The following FANCI variants were observed in gnomAD, a reference collection of about 807,000 sequenced individuals.
The protein encoded by FANCI is Fanconi anemia group I protein.
FANCI carries 156 observed loss-of-function variants against 176.1 expected under a neutral mutation model. The observed-to-expected ratio is 0.89, with a 90% CI of 0.78 to 1.01. The LOEUF (loss-of-function observed/expected upper bound fraction) is 1.01, where lower values mean the gene tolerates loss of function less well. Ranked by LOEUF, FANCI falls within the 50% of genes least tolerant of loss-of-function variation. The probability of loss-of-function intolerance (pLI) is 0.00; values close to 1 mark genes in which losing one functional copy is unlikely to be tolerated. For missense variants in FANCI, 1,678 were observed against 1,534.1 expected, an observed-to-expected ratio of 1.09 and a Z score of -1.57; for synonymous variants, 613 against 541.7, an observed-to-expected ratio of 1.13 and a Z score of -1.83.
chr15:89,275,458 T>G (rs2053375090), intron 12 of FANCI, among the ~76,000 whole-genome samples: 1 of 152,202 alleles, frequency 6.6e-6, no homozygotes, highest in South Asian at 2.1e-4. Context: ...GTATTAAATA[T>G]ATTTTAAAGT....
In FANCI at chr15:89,306,038, T is replaced by C; in HGVS notation, c.3381T>C (p.Asn1127=). Residue 1127 remains asparagine (N), a synonymous_variant, in exon 32 of 38, where the codon AAT becomes AAC. Coordinates refer to ENST00000310775, the MANE Select transcript of FANCI (RefSeq NM_001113378.2). ...EEASSQATLP[N]QPVEKAIIMQ... Reference sequence around the variant, plus strand: ...CCTCTTCTCAGGCAACCCTACCAAATCAGCCTGTTGAGAAAGCTATCATCA... The same window carrying C: ...CCTCTTCTCAGGCAACCCTACCAAACCAGCCTGTTGAGAAAGCTATCATCA... The C allele has an allele frequency of 6.2e-7, 1 of 1,614,198 alleles. No individual in the cohort carries two copies.
At chr15:89,302,568 TAAA>T (rs895809373) in intron 27 of FANCI, among the ~76,000 whole-genome samples, 2 of 151,588 alleles carry the variant, frequency 1.3e-5, no homozygotes, top group Admixed American at 1.3e-4. Flanking sequence ...GTAGTCTCTT[TAAA>T]AAAAAATTTT....
At chr15:89,278,490 A>G (rs1433045177) in intron 13 of FANCI, among the ~76,000 whole-genome samples, 197 bp from the exon 14 acceptor site, 1 of 152,220 alleles carries the variant, frequency 6.6e-6, no homozygotes, top group Non-Finnish European at 1.5e-5. Flanking sequence ...CATGGTATTT[A>G]TCCTACTAAT....
intron 2 of FANCI, among the ~76,000 whole-genome samples, chr15:89,255,898 G>A (rs893951711): frequency 6.6e-6 from 1 of 152,202 alleles, no homozygotes; most frequent in African/African-American, 2.4e-5. Context: ...ATTAACATTC[G>A]TTGAGTACTT....
chr15:89,283,883 C>G (rs1339107080), intron 17 of FANCI, among the ~76,000 whole-genome samples: 1 of 151,924 alleles, frequency 6.6e-6, no homozygotes, highest in Non-Finnish European at 1.5e-5. Context: ...CTGCCTCAGC[C>G]TCCCGAGTAG....
At chr15:89,284,792 T>C (rs2053752716) in intron 17 of FANCI, among the ~76,000 whole-genome samples, 1 of 152,244 alleles carries the variant, frequency 6.6e-6, no homozygotes, top group East Asian at 1.9e-4. Flanking sequence ...ATGTATATTG[T>C]TACTACTGGA....
intron 28 of FANCI, 47 bp from the exon 29 acceptor site, chr15:89,305,068 A>T (rs755871546): frequency 6.2e-7 from 1 of 1,609,062 alleles, no homozygotes; most frequent in Non-Finnish European, 8.5e-7. Flanking sequence ...GAGCCACTGC[A>T]CTTGGCCACA....
intron 6 of FANCI, 103 bp downstream of exon 6, chr15:89,261,981 TTTG>T (rs947592713): frequency 2.0e-6 from 2 of 999,218 alleles, no homozygotes; most frequent in South Asian, 1.4e-5. Flanking sequence ...GTCCTTCTTT[TTTG>T]TTGTTTTTAA....
intron 2 of FANCI, among the ~76,000 whole-genome samples, chr15:89,251,929 T>A (rs992642358): frequency 2.6e-5 from 4 of 152,210 alleles, no homozygotes; most frequent in Non-Finnish European, 5.9e-5. Flanking sequence ...TGATGCCTAC[T>A]GTCTCCATTA....
chr15:89,292,289 A>G (rs531248101), intron 20 of FANCI, among the ~76,000 whole-genome samples: 1 of 152,346 alleles, frequency 6.6e-6, no homozygotes, highest in South Asian at 2.1e-4. Flanking sequence ...GTGACATGAG[A>G]TGTCCTCAGC....
Position 89,264,600 on chromosome 15 carries a change from G to A in FANCI, c.748G>A (p.Gly250Ser), listed in dbSNP as rs747243483. The change falls in exon 9 of 38, where the codon GGT (glycine) becomes AGT (serine). Residue 250 changes from glycine to serine, a missense_variant. Gly to Ser is a moderately conservative substitution (Grantham distance 56). Around this residue, in one of 3 missense-constraint regions of FANCI, gnomAD observed 469 missense variants for 436.9 expected, o/e 1.07. Coordinates refer to ENST00000310775, the MANE Select transcript of FANCI (RefSeq NM_001113378.2). ...TAAGCAGCACAATGAGGAACAGAGTGGTGACGAGTGAGTAATATAGTGTAG... is the reference window on the plus strand; with the variant it reads ...TAAGCAGCACAATGAGGAACAGAGTAGTGACGAGTGAGTAATATAGTGTAG... Reference protein sequence around the residue: ...LDKQHNEEQSGDELLDVVTVP... With the variant: ...LDKQHNEEQSSDELLDVVTVP... 6.2e-7 allele frequency: 1 copy of A among 1,612,186 alleles called. No individual in the cohort carries two copies. The highest frequency in any genetic ancestry group is 2.2e-5 in the East Asian group (1 of 44,818).
intron 2 of FANCI, among the ~76,000 whole-genome samples, chr15:89,256,902 TTTC>T (rs1567140013): frequency 1.3e-5 from 2 of 152,128 alleles, no homozygotes; most frequent in Non-Finnish European, 2.9e-5. Context: ...CCTTGATTTC[TTTC>T]TTTTTTGTTG....
chr15:89,313,733 AATATT>A (rs1203916856), intron 35 of FANCI, among the ~76,000 whole-genome samples: 3 of 152,210 alleles, frequency 2.0e-5, no homozygotes, highest in Non-Finnish European at 4.4e-5. Context: ...ATAAAAGTGA[AATATT>A]AGAAACAAAG....
chr15:89,293,121 A>G, intron 22 of FANCI, 58 bp downstream of exon 22: 2 of 1,579,374 alleles, frequency 1.3e-6, no homozygotes, highest in Admixed American at 3.4e-5. Flanking sequence ...TTATTTACAT[A>G]TTTTTACTGT....
rs780147810 is a variant in FANCI, at chr15:89,292,972, A to G, written c.2200A>G (p.Ser734Gly). The G allele has an allele frequency of 4.3e-6, 7 of 1,614,128 alleles. No homozygotes were observed. The East Asian group carries it at 1.6e-4, about 36-fold the overall frequency. ...DKSADFSQST[S>G]IGIKNNICAF... ...ATCAGCAGATTTTTCTCAGAGCACCAGTATTGGCATAAAAAATAATATCTG... is the reference window on the plus strand; with the variant it reads ...ATCAGCAGATTTTTCTCAGAGCACCGGTATTGGCATAAAAAATAATATCTG... The change falls in exon 22 of 38, where the codon AGT becomes GGT. Residue 734 changes from serine (S) to glycine (G), a missense_variant. Ser to Gly is a moderately conservative substitution (Grantham distance 56). Coordinates refer to ENST00000310775, the MANE Select transcript of FANCI (RefSeq NM_001113378.2).
At chr15:89,292,167 C>T (rs1435766856) in intron 20 of FANCI, among the ~76,000 whole-genome samples, 2 of 152,116 alleles carry the variant, frequency 1.3e-5, no homozygotes, top group South Asian at 2.1e-4. Flanking sequence ...CTCAGAAGGA[C>T]AGCGAAGAGG....
At chr15:89,271,009 A>G (rs185610137) in intron 10 of FANCI, among the ~76,000 whole-genome samples, 3 of 152,260 alleles carry the variant, frequency 2.0e-5, no homozygotes, top group Admixed American at 2.0e-4. Context: ...TAGTAACTAT[A>G]TTGCTGGCCT....
At position 89,268,434 on chromosome 15, in the gene FANCI, T is replaced by A. The variant is rs372415778; in HGVS notation, c.791T>A (p.Leu264His). The change falls in exon 10 of 38, where the codon CTT becomes CAT. Residue 264 changes from leucine to histidine, a missense_variant. Physicochemically the swap from Leu to His is moderately conservative, Grantham distance 99 (BLOSUM62 -3). Coordinates refer to ENST00000310775, the MANE Select transcript of FANCI (RefSeq NM_001113378.2). Reference sequence around the variant, plus strand: ...GTTGTCACTGTGCCATCAGGTGAACTTCGTCATGTGGAAGGCACCATTATT... The same window carrying A: ...GTTGTCACTGTGCCATCAGGTGAACATCGTCATGTGGAAGGCACCATTATT... ...LDVVTVPSGE[L>H]RHVEGTIILH... The A allele has an allele frequency of 6.8e-6, 11 of 1,614,236 alleles. No individual in the cohort carries two copies. Among genetic ancestry groups the A allele is most frequent in the Non-Finnish European group, 9.3e-6 (11 of 1,180,040 alleles).
At chr15:89,269,397 A>C (rs73466697) in intron 10 of FANCI, among the ~76,000 whole-genome samples, 3,775 of 151,838 alleles carry the variant, frequency 0.025, 134 homozygotes, top group African/African-American at 0.079. Flanking sequence ...TGTCTTTTGC[A>C]GCTGTGTTTT....
Sources: gnomAD v4.1 joint callset for allele counts (sites outside exome capture counted in the v4.1 genomes callset) on GRCh38, gnomAD v4.1.1 for gene constraint, gnomAD v4.1.1 regional missense constraint, MANE v1.5 for transcripts, NCBI Gene and HGNC (gene_info 2026-07-23, HGNC 2026-07-21) for gene names.